Variants in MLIP observed in about 807,000 individuals in gnomAD.
MLIP encodes the protein muscular LMNA-interacting protein.
In MLIP, 79 loss-of-function variants were observed where a neutral mutation model predicts 84.8. That is an observed-to-expected ratio of 0.93 (90% CI 0.78 to 1.12). The LOEUF (loss-of-function observed/expected upper bound fraction) is 1.12. MLIP is among the 50% of genes most tolerant of loss of function. MLIP has a pLI of 0.00. For missense variants in MLIP, 1,257 were observed against 1,160.6 expected, an observed-to-expected ratio of 1.08 and a Z score of -1.21; for synonymous variants, 504 against 463.0, an observed-to-expected ratio of 1.09 and a Z score of -1.14.
chr6:54,258,638 T>C (rs1373056346), intron 13 of MLIP, among the ~76,000 whole-genome samples: 1 of 152,036 alleles, frequency 6.6e-6, no homozygotes, highest in Non-Finnish European at 1.5e-5. Flanking sequence ...CTTGGCAGCA[T>C]TGAGAATTAT....
At chr6:54,251,441 C>CATATATATATATATATATATATATATAT (rs148476876) in intron 12 of MLIP, among the ~76,000 whole-genome samples, 2 of 88,942 alleles carry the variant, frequency 2.2e-5, no homozygotes, top group African/African-American at 1.4e-4. Context: ...TGAAACAAGC[C>CATATATATATATATATATATATATATAT]ATATATATAT....
intron 4 of MLIP, among the ~76,000 whole-genome samples, chr6:54,142,518 A>T (rs1295072274): frequency 6.6e-6 from 1 of 152,176 alleles, no homozygotes; most frequent in Non-Finnish European, 1.5e-5. Context: ...CTTGACAGGT[A>T]CAAAGAACAC....
At chr6:54,256,302 TAG>T (rs1783000991) in intron 12 of MLIP, among the ~76,000 whole-genome samples, 1 of 152,176 alleles carries the variant, frequency 6.6e-6, no homozygotes, top group African/African-American at 2.4e-5. Flanking sequence ...CAGCCAAGGT[TAG>T]AGTCTTCCCC....
intron 3 of MLIP, among the ~76,000 whole-genome samples, chr6:54,133,526 G>A (rs545064519): frequency 2.6e-5 from 4 of 152,292 alleles, no homozygotes; most frequent in Non-Finnish European, 5.9e-5. Flanking sequence ...CAGAATCTCA[G>A]AAAGTATTCA....
chr6:54,110,448 T>TA (rs375333318), upstream of MLIP, among the ~76,000 whole-genome samples: 3 of 152,226 alleles, frequency 2.0e-5, no homozygotes, highest in African/African-American at 7.2e-5. Context: ...TAGTTTTTTT[T>TA]ATAACACGGC....
intron 9 of MLIP, among the ~76,000 whole-genome samples, chr6:54,181,289 C>G (rs557546372): frequency 6.6e-6 from 1 of 152,270 alleles, no homozygotes; most frequent in South Asian, 2.1e-4. Flanking sequence ...TGGCCACCAA[C>G]ACCACCAGCA....
At chr6:54,059,425 T>G (rs1479668527) in intron 1 of MLIP, among the ~76,000 whole-genome samples, 1 of 152,224 alleles carries the variant, frequency 6.6e-6, no homozygotes, top group African/African-American at 2.4e-5. Context: ...ATACTGCTGC[T>G]AATTCTTGTT....
intron 11 of MLIP, among the ~76,000 whole-genome samples, chr6:54,210,730 GAAAAA>G: frequency 7.6e-6 from 1 of 131,254 alleles, no homozygotes; most frequent in South Asian, 2.6e-4. Context: ...CCAACGGAGG[GAAAAA>G]AAAAAAAAAA....
intron 9 of MLIP, among the ~76,000 whole-genome samples, chr6:54,179,030 G>GT (rs1562022594): frequency 1.3e-5 from 2 of 152,114 alleles, no homozygotes; most frequent in African/African-American, 4.8e-5. Flanking sequence ...TGAGGTCTAT[G>GT]TCTCTCTTTA....
intron 1 of MLIP, among the ~76,000 whole-genome samples, chr6:54,063,831 G>C (rs1053006567): frequency 2.0e-5 from 3 of 151,948 alleles, no homozygotes; most frequent in Non-Finnish European, 2.9e-5. Flanking sequence ...TTTGTCCTTA[G>C]AGAATTCATT....
At chr6:54,152,027 T>C (rs868408749) in intron 5 of MLIP, among the ~76,000 whole-genome samples, 1 of 152,134 alleles carries the variant, frequency 6.6e-6, no homozygotes, top group Non-Finnish European at 1.5e-5. Context: ...ATTTATATCT[T>C]ATTCCATATT....
intron 11 of MLIP, 39 bp from the exon 12 acceptor site, chr6:54,230,675 A>G (rs1343984270): frequency 2.5e-6 from 4 of 1,599,704 alleles, no homozygotes; most frequent in Middle Eastern, 1.7e-4. Flanking sequence ...TGACTTTTTT[A>G]TGCTAACATC....
chr6:54,161,857 C>A (rs758007019), intron 8 of MLIP, among the ~76,000 whole-genome samples: 3 of 151,702 alleles, frequency 2.0e-5, no homozygotes, highest in Non-Finnish European at 4.4e-5. Context: ...GCCTTTTAAT[C>A]TAAAACTTTG....
At chr6:54,261,723 G>T (rs1159489463) in intron 13 of MLIP, 1 of 984,990 alleles carries the variant, frequency 1.0e-6, no homozygotes, top group Non-Finnish European at 1.2e-6. Flanking sequence ...ATAGAAAAGA[G>T]AAAATAAATT....
At position 54,024,986 on chromosome 6, in the gene MLIP, T is replaced by G. The variant is rs149547555; in HGVS notation, c.63+5895T>G. Among the ~76,000 whole-genome samples the G allele has an allele frequency of 9.3e-3, 1,388 of 149,726 alleles. 21 individuals carry two copies. Among genetic ancestry groups the G allele is most frequent in the African/African-American group, 0.03 (1,230 of 40,792 alleles). ...CCGAGTAGCTGGGACCACAGGCACATGCTGCCATGCCCAGCTAATTTTTTT... is the reference window on the plus strand; with the variant it reads ...CCGAGTAGCTGGGACCACAGGCACAGGCTGCCATGCCCAGCTAATTTTTTT... On this transcript the variant is annotated intron_variant, in intron 1 of 12. Coordinates refer to the MLIP transcript ENST00000274897.
At chr6:54,253,571 T>C (rs554040345) in intron 12 of MLIP, among the ~76,000 whole-genome samples, 6 of 152,218 alleles carry the variant, frequency 3.9e-5, no homozygotes, top group Non-Finnish European at 8.8e-5. Context: ...AAAGACTTAA[T>C]TAACTGATTT....
At chr6:54,121,082 C>G (rs916015200) in intron 1 of MLIP, among the ~76,000 whole-genome samples, 6 of 152,030 alleles carry the variant, frequency 3.9e-5, no homozygotes, top group African/African-American at 1.2e-4. Context: ...CCGGCTAACC[C>G]AGGGTTAGAT....
intron 10 of MLIP, among the ~76,000 whole-genome samples, chr6:54,199,388 G>C (rs1381075674): frequency 6.6e-6 from 1 of 152,032 alleles, no homozygotes; most frequent in East Asian, 1.9e-4. Flanking sequence ...AAATTGATGA[G>C]ATGATCTATC....
chr6:54,141,391 C>T (rs1424280706), intron 4 of MLIP, among the ~76,000 whole-genome samples: 1 of 147,312 alleles, frequency 6.8e-6, no homozygotes, highest in East Asian at 2.0e-4. Flanking sequence ...ACTGCAACCT[C>T]TGCCTCCTGG....
Sources: allele counts gnomAD v4.1 joint callset (sites outside exome capture counted in the v4.1 genomes callset), GRCh38; gene constraint gnomAD v4.1.1; transcripts MANE v1.5; gene names NCBI Gene and HGNC (gene_info 2026-07-23, HGNC 2026-07-21).